The following KARS1 variants were observed in gnomAD, a reference collection of about 807,000 sequenced individuals.
KARS1 encodes lysine--tRNA ligase.
In KARS1, 50 loss-of-function variants were observed where a neutral mutation model predicts 63.9. The ratio of observed to expected loss-of-function variants is 0.78; its 90% CI spans 0.62 to 0.99. The LOEUF is 0.99. Ranked by LOEUF, KARS1 falls within the 50% of genes least tolerant of loss-of-function variation. The pLI, the probability that KARS1 is intolerant of heterozygous loss-of-function variation, is 0.00. For synonymous variants in KARS1, 320 were observed against 264.6 expected, an observed-to-expected ratio of 1.21 and a Z score of -2.03; for missense variants, 816 against 754.5, an observed-to-expected ratio of 1.08 and a Z score of -0.95.
Position 75,634,937 on chromosome 16 carries a change from T to C in KARS1, c.796-645A>G, listed in dbSNP as rs558988365. ...AAGGTAGTGAGTTATCTCAACTGAT[T>C]GTTTAAAAAAAATTTTAACTGCTTA... is the stretch of plus-strand genomic sequence containing the variant. On this transcript the variant is annotated intron_variant, in intron 6 of 13. Coordinates refer to ENST00000302445, the MANE Select transcript of KARS1 (RefSeq NM_005548.3). Among the ~76,000 whole-genome samples, 3 of 152,332 alleles carry C rather than the reference T, an allele frequency of 2.0e-5. No homozygotes were observed. In the South Asian group the frequency reaches 6.2e-4, roughly 32 times the overall value.
Position 75,627,888 on chromosome 16 carries a change from T to C in KARS1, c.*7A>G, listed in dbSNP as rs2082068212. ...GCCTGAGTTATACAACTTGCAATTA[T>C]TATTTTCTAGACAGAAGTGCCAACT... is the stretch of plus-strand genomic sequence containing the variant. On this transcript the variant is annotated 3_prime_UTR_variant, in exon 14 of 14. Transcript: ENST00000302445. 6 of 1,502,854 alleles carry C rather than the reference T, an allele frequency of 4.0e-6. No individual in the cohort carries two copies. The highest frequency in any genetic ancestry group is 5.6e-6 in the Non-Finnish European group (6 of 1,079,374). The allele number at this position is 1,502,854 out of a possible 1,614,324, so 93.1% of individuals were successfully genotyped here. A position where few individuals can be genotyped will look rare whatever the true frequency, so the allele number is the denominator to read the frequency against.
chr16:75,645,945 G>A (rs1027415909), intron 1 of KARS1, among the ~76,000 whole-genome samples: 1 of 151,410 alleles, frequency 6.6e-6, no homozygotes, highest in African/African-American at 2.4e-5. Flanking sequence ...TTTCACCTGT[G>A]ATATACAGTC....
intron 1 of KARS1, chr16:75,647,362 C>T (rs530905414): frequency 2.5e-5 from 16 of 641,846 alleles, no homozygotes; most frequent in Non-Finnish European, 4.5e-5. Context: ...TGATAGGGAG[C>T]ATCCCGCCGG....
In KARS1 at chr16:75,647,662, A is replaced by C. The variant is rs1053809794; in HGVS notation, c.-23T>G. On this transcript the variant is annotated 5_prime_UTR_variant, in exon 1 of 14. Transcript: ENST00000302445. ...CATCTTCCCGGAGGGCCCGACCCAAAAGTAAGGAGGATAGTACGTTAATTT... is the reference window on the plus strand; with the variant it reads ...CATCTTCCCGGAGGGCCCGACCCAACAGTAAGGAGGATAGTACGTTAATTT... 2 of 1,612,112 alleles carry C rather than the reference A, an allele frequency of 1.2e-6. No homozygotes were observed. Among genetic ancestry groups the C allele is most frequent in the Admixed American group, 1.7e-5 (1 of 59,964 alleles).
At position 75,631,558 on chromosome 16, in the gene KARS1, C is replaced by T. The variant is rs752229864; in HGVS notation, c.1110G>A (p.Lys370=). ...GMVKHITGSY[K]VTYHPDGPEG... Reference sequence around the variant, plus strand: ...CTGGGCCATCTGGGTGGTAGGTGACCTTGTAACTGCCTGTAATATGCTTCA... The same window carrying T: ...CTGGGCCATCTGGGTGGTAGGTGACTTTGTAACTGCCTGTAATATGCTTCA... Residue 370 remains lysine (K), a synonymous_variant, in exon 9 of 14, where the codon AAG becomes AAA. Transcript: ENST00000302445. The T allele has an allele frequency of 1.2e-6, 2 of 1,614,134 alleles. No individual in the cohort carries two copies. Among genetic ancestry groups the T allele is most frequent in the Admixed American group, 1.7e-5 (1 of 60,024 alleles).
At chr16:75,629,730 CG>C (rs2082091064) in intron 11 of KARS1, among the ~76,000 whole-genome samples, 189 bp from the exon 12 acceptor site, 1 of 152,166 alleles carries the variant, frequency 6.6e-6, no homozygotes, top group South Asian at 2.1e-4. Context: ...CTTGAGTAGC[CG>C]GGATCACAGG....
chr16:75,641,815 C>T, intron 1 of KARS1, 92 bp from the exon 2 acceptor site: 1 of 1,341,674 alleles, frequency 7.5e-7, no homozygotes, highest in Non-Finnish European at 1.1e-6. Flanking sequence ...ATGAATCGCC[C>T]AGGAGAAACG....
intron 3 of KARS1, 37 bp from the exon 4 acceptor site, chr16:75,636,584 C>T: frequency 7.6e-7 from 1 of 1,316,488 alleles, no homozygotes; most frequent in African/African-American, 1.4e-5. Flanking sequence ...ACTGACAGAA[C>T]CAGAAGTCAT....
chr16:75,636,960 G>T (rs74250915), intron 3 of KARS1, among the ~76,000 whole-genome samples: 1,429 of 70,552 alleles, frequency 0.02, 22 homozygotes, highest in African/African-American at 0.13. Flanking sequence ...TTTTTTTTTT[G>T]GTCAGGGCAC....
chr16:75,637,880 A>G (rs1052331922), intron 3 of KARS1, among the ~76,000 whole-genome samples: 3 of 148,964 alleles, frequency 2.0e-5, no homozygotes, highest in African/African-American at 7.4e-5. Flanking sequence ...AAAAACTAAC[A>G]GGACAAGGAA....
intron 1 of KARS1, among the ~76,000 whole-genome samples, chr16:75,643,776 A>G (rs2082250872): frequency 6.6e-6 from 1 of 152,238 alleles, no homozygotes; most frequent in African/African-American, 2.4e-5. Context: ...TGTAAAGACA[A>G]CCTTTCCAAA....
intron 1 of KARS1, among the ~76,000 whole-genome samples, chr16:75,645,595 C>G (rs887325126): frequency 2.6e-5 from 4 of 152,058 alleles, no homozygotes; most frequent in African/African-American, 9.7e-5. Flanking sequence ...GCCTATAATC[C>G]TAGCGCTTTG....
In KARS1 at chr16:75,635,732, G is replaced by C. The variant is rs1202598972; in HGVS notation, c.743C>G (p.Ser248Cys). The C allele has an allele frequency of 7.4e-6, 12 of 1,614,148 alleles. No individual in the cohort carries two copies. Among genetic ancestry groups the C allele is most frequent in the Non-Finnish European group, 1.0e-5 (12 of 1,179,984 alleles). Residue 248 changes from serine to cysteine, a missense_variant, in exon 6 of 14, where the codon TCT (serine) becomes TGT (cysteine). Coordinates refer to ENST00000302445, the MANE Select transcript of KARS1 (RefSeq NM_005548.3). ...ACTTCTTATATATGTGATGATCTTA[G>C]AGCGGATGATAAATTTCTGCCTCAC... The part of the protein sequence containing the change: ...DFVRQKFIIR[S>C]KIITYIRSFL...
intron 7 of KARS1, chr16:75,633,965 A>G: frequency 3.3e-6 from 2 of 600,998 alleles, no homozygotes; most frequent in African/African-American, 3.7e-5. Context: ...GGGAAAGACA[A>G]CCCCTTTGGT....
chr16:75,647,467 C>A, intron 1 of KARS1, 111 bp downstream of exon 1: 1 of 1,006,044 alleles, frequency 9.9e-7, no homozygotes, highest in Non-Finnish European at 1.5e-6. Flanking sequence ...TGCGTACCCA[C>A]GAGAGCCGGC....
intron 8 of KARS1, 39 bp downstream of exon 8, chr16:75,631,654 A>G: frequency 6.2e-7 from 1 of 1,614,024 alleles, no homozygotes; most frequent in Non-Finnish European, 8.5e-7. Flanking sequence ...AAAGCAGCAT[A>G]CCAACCACCC....
intron 7 of KARS1, 118 bp from the exon 8 acceptor site, chr16:75,631,973 C>T (rs556158725): frequency 1.3e-4 from 152 of 1,202,892 alleles, no homozygotes; most frequent in East Asian, 5.4e-4. Flanking sequence ...CCGCAACCTC[C>T]GCCTCCTAGG....
chr16:75,631,980 T>C, intron 7 of KARS1, 125 bp from the exon 8 acceptor site: 1 of 1,130,470 alleles, frequency 8.8e-7, no homozygotes, highest in Non-Finnish European at 1.3e-6. Flanking sequence ...CTCCGCCTCC[T>C]AGGTTCAAGC....
intron 7 of KARS1, 85 bp downstream of exon 7, chr16:75,634,088 T>C (rs2082137906): frequency 6.9e-7 from 1 of 1,441,602 alleles, no homozygotes; most frequent in Non-Finnish European, 9.7e-7. Flanking sequence ...TCTCTGTTCC[T>C]CTTATTTCTG....
Sources: gnomAD v4.1 joint callset for allele counts (sites outside exome capture counted in the v4.1 genomes callset) on GRCh38, gnomAD v4.1.1 for gene constraint, MANE v1.5 for transcripts, NCBI Gene and HGNC (gene_info 2026-07-23, HGNC 2026-07-21) for gene names.